PDE4D: variants seen among roughly 807,000 people sequenced by gnomAD.
The protein encoded by PDE4D is phosphodiesterase 4D.
PDE4D carries 24 observed loss-of-function variants against 87.4 expected under a neutral mutation model. The ratio of observed to expected loss-of-function variants is 0.27; its 90% CI spans 0.20 to 0.39. The LOEUF (loss-of-function observed/expected upper bound fraction) is 0.39. Among genes scored for constraint, PDE4D ranks in the 10% least tolerant of loss-of-function variants. PDE4D has a pLI of 1.00. For missense variants in PDE4D, 714 were observed against 1,041.0 expected (o/e 0.69, Z 4.32); for synonymous variants, 384 against 383.2 (o/e 1.00, Z -0.02).
chr5:59,798,816 T>G (rs1766797543), intron 1 of PDE4D, among the ~76,000 whole-genome samples: 1 of 152,102 alleles, frequency 6.6e-6, no homozygotes, highest in African/African-American at 2.4e-5. Context: ...TTGGGAAAAC[T>G]AAGGAAGGGG....
intron 1 of PDE4D, among the ~76,000 whole-genome samples, chr5:60,374,246 C>T (rs561250025): frequency 7.9e-5 from 12 of 152,222 alleles, no homozygotes; most frequent in Non-Finnish European, 1.5e-4. Context: ...TTTTCTCCTA[C>T]ATGCCTATAA....
intron 1 of PDE4D, among the ~76,000 whole-genome samples, chr5:59,337,323 T>TCC (rs765153967): frequency 0.013 from 1,626 of 122,364 alleles, 30 homozygotes; most frequent in Non-Finnish European, 0.023. Context: ...ATTCATAAGT[T>TCC]CCCCCCCCCC....
chr5:60,122,305 G>C (rs1056184965), intron 2 of PDE4D, among the ~76,000 whole-genome samples: 2 of 152,166 alleles, frequency 1.3e-5, no homozygotes, highest in Admixed American at 6.5e-5. Flanking sequence ...CTGTGTGGAG[G>C]CTCCAACCCC....
At chr5:59,777,346 C>A (rs12187752) in intron 1 of PDE4D, among the ~76,000 whole-genome samples, 74,519 of 151,956 alleles carry the variant, frequency 0.49, 19,318 homozygotes, top group African/African-American at 0.63. Flanking sequence ...GGGGCCATGC[C>A]TCTAAATAAC....
intron 1 of PDE4D, among the ~76,000 whole-genome samples, chr5:60,501,829 G>A (rs1346976988): frequency 1.3e-4 from 20 of 152,092 alleles, no homozygotes; most frequent in Non-Finnish European, 1.9e-4. Context: ...CGTGTCCTTC[G>A]CCCACTTTTT....
At chr5:60,110,820 C>T (rs1777598366) in intron 2 of PDE4D, among the ~76,000 whole-genome samples, 1 of 152,012 alleles carries the variant, frequency 6.6e-6, no homozygotes, top group Non-Finnish European at 1.5e-5. Context: ...ACTATTCAGC[C>T]ACAAAAAGAT....
rs544001220 is a variant in PDE4D at position 59,657,035 on chromosome 5, G to A, written c.455+236133C>T. On this transcript the variant is annotated intron_variant, in intron 1 of 14. Coordinates refer to ENST00000340635, the MANE Select transcript of PDE4D (RefSeq NM_001104631.2). The stretch of plus-strand genomic sequence containing the variant: ...ATACACCACATAAAATATGAGGCAC[G>A]TGGCAAGAATTCAATAAATGGTAGC... 2.2e-4 allele frequency among the ~76,000 whole-genome samples: 34 copies of A among 152,184 alleles called. No individual in the cohort carries two copies. The South Asian group carries it at 7.0e-3, about 32-fold the overall frequency.
chr5:59,094,406 T>A (rs1404995200), intron 5 of PDE4D, among the ~76,000 whole-genome samples: 1 of 151,584 alleles, frequency 6.6e-6, no homozygotes, highest in Non-Finnish European at 1.5e-5. Flanking sequence ...AAGGATATGA[T>A]CTAGGAGATC....
intron 1 of PDE4D, among the ~76,000 whole-genome samples, chr5:59,457,621 G>T (rs1421686831): frequency 1.3e-5 from 2 of 152,084 alleles, no homozygotes; most frequent in African/African-American, 4.8e-5. Context: ...GAGACCTATA[G>T]AATTCACGTC....
chr5:59,738,558 G>T (rs1758405679), intron 1 of PDE4D, among the ~76,000 whole-genome samples: 1 of 151,950 alleles, frequency 6.6e-6, no homozygotes. Context: ...GTTACCTCTG[G>T]GTGGGAAGGA....
intron 1 of PDE4D, among the ~76,000 whole-genome samples, chr5:59,401,867 A>G (rs1265267064): frequency 6.6e-6 from 1 of 152,194 alleles, no homozygotes; most frequent in Non-Finnish European, 1.5e-5. Context: ...TCTTTCAGGA[A>G]GCCTGGCAGT....
rs569732544 is a variant in PDE4D at position 60,483,871 on chromosome 5, T to G, written c.-90+4071A>C. On this transcript the variant is annotated intron_variant, in intron 1 of 16. Coordinates refer to the PDE4D transcript ENST00000502484. ...TATCTTTTAAAAAGGGTTCAACAGG[T>G]GAAATGGGGAACTGCTTTAGCATAA... Among the ~76,000 whole-genome samples, 8 of 152,234 alleles carry G rather than the reference T, an allele frequency of 5.3e-5. No homozygotes were observed. In the South Asian group the frequency reaches 1.7e-3, roughly 32 times the overall value.
intron 2 of PDE4D, chr5:60,022,783 C>G (rs1482074503): frequency 1.3e-5 from 2 of 152,256 alleles, no homozygotes; most frequent in East Asian, 3.8e-4. Context: ...GATTCTAATT[C>G]ATTCCATTCT....
intron 1 of PDE4D, among the ~76,000 whole-genome samples, chr5:60,348,303 A>G (rs568041071): frequency 2.0e-4 from 31 of 152,138 alleles, no homozygotes; most frequent in African/African-American, 7.0e-4. Context: ...TCTCCTCACA[A>G]CTTCTCATCT....
chr5:59,020,267 G>A (rs939143717), intron 6 of PDE4D, among the ~76,000 whole-genome samples: 5 of 152,108 alleles, frequency 3.3e-5, no homozygotes, highest in African/African-American at 1.2e-4. Context: ...TTGAGGCCAG[G>A]AGTTTGAGAC....
chr5:60,337,380 T>TACACACACACACACACACAC (rs1474890248), intron 1 of PDE4D, among the ~76,000 whole-genome samples: 55 of 118,184 alleles, frequency 4.7e-4, no homozygotes, highest in African/African-American at 2.0e-3. Flanking sequence ...TATATATATA[T>TACACACACACACACACACAC]ATATATATAC....
At chr5:60,071,327 T>G (rs1277641295) in intron 2 of PDE4D, among the ~76,000 whole-genome samples, 1 of 152,004 alleles carries the variant, frequency 6.6e-6, no homozygotes, top group Non-Finnish European at 1.5e-5. Context: ...CTTTAGCAAA[T>G]GGGATGCATT....
rs534417188 is a variant in PDE4D, at chr5:59,921,305, C to G, written c.272+67183G>C. ...GCAAACTTTTTTTAAAACACGAAAA[C>G]AGCATAATGGCCATTCATATAATAT... On this transcript the variant is annotated intron_variant, in intron 3 of 16. Transcript: ENST00000502484. 3.3e-5 allele frequency among the ~76,000 whole-genome samples: 5 copies of G among 151,942 alleles called. No individual in the cohort carries two copies. The East Asian group carries it at 9.7e-4, about 29-fold the overall frequency.
chr5:60,151,957 G>T (rs1015308623), intron 2 of PDE4D, among the ~76,000 whole-genome samples: 2 of 152,058 alleles, frequency 1.3e-5, no homozygotes, highest in Non-Finnish European at 2.9e-5. Flanking sequence ...TCATGAAAAG[G>T]TGTTGAATTT....
Sources: gnomAD v4.1 joint callset for allele counts (sites outside exome capture counted in the v4.1 genomes callset) on GRCh38, gnomAD v4.1.1 for gene constraint, MANE v1.5 for transcripts, NCBI Gene and HGNC (gene_info 2026-07-23, HGNC 2026-07-21) for gene names.